ABCA12: variants seen among roughly 807,000 people sequenced by gnomAD.
The protein encoded by ABCA12 is glucosylceramide transporter ABCA12.
Under a neutral mutation model 293.5 loss-of-function variants are expected in ABCA12, and 156 were observed. That is an observed-to-expected ratio of 0.53 (90% CI 0.47 to 0.61). The LOEUF is 0.61. Among genes scored for constraint, ABCA12 ranks in the 20% least tolerant of loss-of-function variants. The pLI, the probability that ABCA12 is intolerant of heterozygous loss-of-function variation, is 0.00. For missense variants in ABCA12, 2,797 were observed against 3,090.2 expected (o/e 0.91, Z 2.25); for synonymous variants, 1,063 against 1,108.0 (o/e 0.96, Z 0.81).
In ABCA12 at chr2:215,019,460, C is replaced by A; in HGVS notation, c.1545-12G>T. 6.2e-7 allele frequency: 1 copy of A among 1,613,530 alleles called. No homozygotes were observed. Among genetic ancestry groups the A allele is most frequent in the Non-Finnish European group, 8.5e-7 (1 of 1,179,540 alleles). On this transcript the variant is annotated splice_polypyrimidine_tract_variant and intron_variant, in intron 12 of 52. Coordinates refer to ENST00000272895, the MANE Select transcript of ABCA12 (RefSeq NM_173076.3). ...CCTGTTCTAGAAACCTGGAACAAAACAGAAAAGAAGAAATTCAACTAAGTA... is the reference window on the plus strand; with the variant it reads ...CCTGTTCTAGAAACCTGGAACAAAAAAGAAAAGAAGAAATTCAACTAAGTA...
intron 36 of ABCA12, among the ~76,000 whole-genome samples, chr2:214,971,243 G>A (rs780808575): frequency 2.0e-5 from 3 of 152,060 alleles, no homozygotes; most frequent in Non-Finnish European, 4.4e-5. Context: ...AAAGAAAATC[G>A]GTGCTGGATT....
chr2:215,127,858 T>A (rs1702961427), intron 1 of ABCA12, among the ~76,000 whole-genome samples: 1 of 152,174 alleles, frequency 6.6e-6, no homozygotes, highest in Non-Finnish European at 1.5e-5. Context: ...ACTTTCTTTA[T>A]TTTGCTTTTT....
rs369299567 is a variant in ABCA12, at chr2:215,043,126, A to T, written c.872+2711T>A. On this transcript the variant is annotated intron_variant, in intron 7 of 52. Coordinates refer to ENST00000272895, the MANE Select transcript of ABCA12 (RefSeq NM_173076.3). ...TAGCCATTCTAACTGCAGTTAGATGATATCTCATTATAGTTTTGATTTTCA... is the reference window on the plus strand; with the variant it reads ...TAGCCATTCTAACTGCAGTTAGATGTTATCTCATTATAGTTTTGATTTTCA... Among the ~76,000 whole-genome samples the T allele has an allele frequency of 1.6e-3, 239 of 152,152 alleles. 3 individuals carry two copies. The South Asian group carries it at 0.027, about 17-fold the overall frequency.
In ABCA12 at chr2:214,989,455, A is replaced by G. The variant is rs1390586488; in HGVS notation, c.3703T>C (p.Trp1235Arg). Residue 1235 changes from tryptophan (W) to arginine (R), a missense_variant, in exon 26 of 53, where the codon TGG becomes CGG. Transcript: ENST00000272895. The stretch of plus-strand genomic sequence containing the variant: ...ACCGGGGAGGTGTACATATTTTCCC[A>G]CTGAAGACCTAAAAAGTGAACACAA... ...RYEEQGIGLQ[W>R]ENMYTSPVQD... 6.2e-7 allele frequency: 1 copy of G among 1,613,708 alleles called. No individual in the cohort carries two copies. The highest frequency in any genetic ancestry group is 1.7e-5 in the Admixed American group (1 of 59,946).
intron 44 of ABCA12, among the ~76,000 whole-genome samples, chr2:214,951,944 T>G (rs1431954923): frequency 6.6e-6 from 1 of 152,126 alleles, no homozygotes; most frequent in Non-Finnish European, 1.5e-5. Flanking sequence ...CTATTGTTAT[T>G]CTGTACTTGT....
chr2:215,004,906 A>C (rs774284592), intron 19 of ABCA12: 9 of 152,244 alleles, frequency 5.9e-5, no homozygotes, highest in Non-Finnish European at 1.0e-4. Context: ...TGAAAGAATA[A>C]ATTGATGATA....
rs1384227542 is a variant in ABCA12 at position 215,064,148 on chromosome 2, C to A, written c.235G>T (p.Asp79Tyr). The change falls in exon 3 of 53, where the codon GAC becomes TAC. Residue 79 changes from aspartate (D) to tyrosine (Y), a missense_variant. Physicochemically the swap from Asp to Tyr is radical, Grantham distance 160. Transcript: ENST00000272895. The part of the protein sequence containing the change: ...PFLQTLLCDT[D>Y]SKCKDTPYGP... ...TAGGGTGTGTCTTTGCATTTAGAGT[C>A]TGTGTCACAGAGTAGGGTCTGCAGG... The A allele has an allele frequency of 6.2e-7, 1 of 1,612,902 alleles. No individual in the cohort carries two copies. Among genetic ancestry groups the A allele is most frequent in the South Asian group, 1.1e-5 (1 of 91,064 alleles).
In ABCA12 at chr2:215,012,050, G is replaced by A; in HGVS notation, c.2042C>T (p.Ala681Val). ...GTCTAGCAGCGGATGTGTGCCAGAAGCCATCTGATTGAGAATCTCTTTTAG... is the reference window on the plus strand; with the variant it reads ...GTCTAGCAGCGGATGTGTGCCAGAAACCATCTGATTGAGAATCTCTTTTAG... ...IRLKEILNQM[A>V]SGTHPLLDKM... Residue 681 changes from alanine to valine, a missense_variant, in exon 16 of 53, where the codon GCT becomes GTT. Coordinates refer to ENST00000272895, the MANE Select transcript of ABCA12 (RefSeq NM_173076.3). The A allele has an allele frequency of 6.2e-7, 1 of 1,613,942 alleles. No homozygotes were observed. Among genetic ancestry groups the A allele is most frequent in the Non-Finnish European group, 8.5e-7 (1 of 1,179,912 alleles).
intron 7 of ABCA12, among the ~76,000 whole-genome samples, chr2:215,039,482 G>A (rs1005305994): frequency 7.9e-5 from 12 of 152,146 alleles, no homozygotes; most frequent in Non-Finnish European, 7.3e-5. Context: ...AAGGCCGGGC[G>A]CAGTGGCTCA....
At chr2:214,996,105 G>A (rs959700321) in intron 23 of ABCA12, among the ~76,000 whole-genome samples, 5 of 152,222 alleles carry the variant, frequency 3.3e-5, no homozygotes, top group East Asian at 3.9e-4. Context: ...AAAGGTAGAC[G>A]CAGGCCAAAT....
chr2:215,092,314 T>C (rs543444785), intron 2 of ABCA12, among the ~76,000 whole-genome samples: 129 of 152,228 alleles, frequency 8.5e-4, no homozygotes, highest in Admixed American at 2.7e-3. Context: ...ATGCACTCCT[T>C]TTTAGTTATC....
Position 214,955,234 on chromosome 2 carries a change from A to T in ABCA12, c.6361T>A (p.Tyr2121Asn). Residue 2121 changes from tyrosine (Y) to asparagine (N), a missense_variant, in exon 43 of 53, where the codon TAC (tyrosine) becomes AAC (asparagine). Tyr to Asn is a moderately radical substitution (Grantham distance 143). Around this residue, in one of 3 missense-constraint regions of ABCA12, gnomAD observed 2,130 missense variants for 2,427.0 expected, o/e 0.88. Transcript: ENST00000272895. ...INSIVSLSVV[Y>N]FLSKEKPNDP... ...TTAGGCTTTTCCTTGGAAAGAAAGTATACCACTGACAGGGAAACAATGGAA... is the reference window on the plus strand; with the variant it reads ...TTAGGCTTTTCCTTGGAAAGAAAGTTTACCACTGACAGGGAAACAATGGAA... 6.2e-7 allele frequency: 1 copy of T among 1,614,160 alleles called. No homozygotes were observed. The highest frequency in any genetic ancestry group is 8.5e-7 in the Non-Finnish European group (1 of 1,180,000).
chr2:215,116,893 G>A (rs906471047), intron 1 of ABCA12, among the ~76,000 whole-genome samples: 11 of 152,172 alleles, frequency 7.2e-5, no homozygotes, highest in Admixed American at 4.6e-4. Flanking sequence ...AGGAAAAATT[G>A]AGAAACTGTT....
intron 31 of ABCA12, 53 bp from the exon 32 acceptor site, chr2:214,979,093 C>T (rs967378602): frequency 6.0e-6 from 9 of 1,504,194 alleles, no homozygotes; most frequent in Non-Finnish European, 7.4e-6. Context: ...CACTATAGTG[C>T]TCCAGGCCCT....
At chr2:214,963,827 G>A (rs1699181897) in intron 39 of ABCA12, among the ~76,000 whole-genome samples, 1 of 149,970 alleles carries the variant, frequency 6.7e-6, no homozygotes, top group African/African-American at 2.5e-5. Flanking sequence ...GGCTGGGGCA[G>A]GAGAATTGCT....
At chr2:215,122,903 C>T (rs1459250023) in intron 1 of ABCA12, among the ~76,000 whole-genome samples, 2 of 152,234 alleles carry the variant, frequency 1.3e-5, no homozygotes, top group South Asian at 2.1e-4. Flanking sequence ...AAATATTGTA[C>T]ATTGTATCCA....
chr2:214,996,568 A>G (rs534430138), intron 23 of ABCA12, among the ~76,000 whole-genome samples: 104 of 152,330 alleles, frequency 6.8e-4, no homozygotes, highest in African/African-American at 2.5e-3. Context: ...TGGAATTAGA[A>G]AACCATTGCA....
At chr2:215,078,149 A>G (rs1343579451) in intron 2 of ABCA12, among the ~76,000 whole-genome samples, 1 of 152,248 alleles carries the variant, frequency 6.6e-6, no homozygotes, top group Non-Finnish European at 1.5e-5. Flanking sequence ...CATTAGCCAG[A>G]TGGCAGCTCT....
chr2:214,948,958 A>G, intron 46 of ABCA12, 82 bp downstream of exon 46: 4 of 1,338,022 alleles, frequency 3.0e-6, no homozygotes, highest in Non-Finnish European at 4.3e-6. Context: ...ATAACCACAA[A>G]ATAACATTAA....
Sources: allele counts gnomAD v4.1 joint callset (sites outside exome capture counted in the v4.1 genomes callset), GRCh38; gene constraint gnomAD v4.1.1; regional missense constraint gnomAD v4.1.1; transcripts MANE v1.5; gene names NCBI Gene and HGNC (gene_info 2026-07-23, HGNC 2026-07-21).